PITPNC1: variants seen among roughly 807,000 people sequenced by gnomAD.
PITPNC1 encodes cytoplasmic phosphatidylinositol transfer protein 1.
In PITPNC1, 18 loss-of-function variants were observed where a neutral mutation model predicts 44.7. That is an observed-to-expected ratio of 0.40 (90% CI 0.28 to 0.60). The LOEUF (loss-of-function observed/expected upper bound fraction) is 0.60, where lower values mean the gene tolerates loss of function less well. Among genes scored for constraint, PITPNC1 ranks in the 20% least tolerant of loss-of-function variants. PITPNC1 has a pLI of 0.39. For missense variants in PITPNC1, 290 were observed against 418.4 expected, an observed-to-expected ratio of 0.69 and a Z score of 2.68; for synonymous variants, 141 against 149.6, an observed-to-expected ratio of 0.94 and a Z score of 0.42.
At chr17:67,555,512 G>A (rs2040824045) in intron 4 of PITPNC1, among the ~76,000 whole-genome samples, 1 of 151,974 alleles carries the variant, frequency 6.6e-6, no homozygotes, top group South Asian at 2.1e-4. Context: ...CATTGCTTCT[G>A]GCAACTGCAT....
intron 2 of PITPNC1, among the ~76,000 whole-genome samples, chr17:67,537,637 A>T (rs971432552): frequency 2.0e-5 from 3 of 152,192 alleles, no homozygotes; most frequent in Non-Finnish European, 4.4e-5. Flanking sequence ...CTATAAATTT[A>T]ATAAAAATCT....
chr17:67,571,793 A>G (rs2041060926), intron 4 of PITPNC1, among the ~76,000 whole-genome samples: 1 of 152,256 alleles, frequency 6.6e-6, no homozygotes, highest in South Asian at 2.1e-4. Context: ...GAAGTCTTGT[A>G]TACACTCTCA....
At chr17:67,574,443 A>G (rs1339623164) in intron 4 of PITPNC1, among the ~76,000 whole-genome samples, 1 of 152,178 alleles carries the variant, frequency 6.6e-6, no homozygotes, top group East Asian at 1.9e-4. Flanking sequence ...CTATGACTCA[A>G]AGTGATCAGC....
rs1245794083 is a variant in PITPNC1 at position 67,597,487 on chromosome 17, G to A, written c.366+19230G>A. ...GAGAATCACTTGAATACGGGAGGTG[G>A]AGGTTGCAGTGAGCTGAGATCATGC... is the stretch of plus-strand genomic sequence containing the variant. On this transcript the variant is annotated intron_variant, in intron 5 of 8. Coordinates refer to ENST00000581322, the MANE Select transcript of PITPNC1 (RefSeq NM_012417.4). This position sits in a 1 kb window ranked among gnomAD's most constrained non-coding sequence, Gnocchi z 4.0. Among the ~76,000 whole-genome samples, 1 of 152,074 alleles carries A rather than the reference G, an allele frequency of 6.6e-6. No individual in the cohort carries two copies. Among genetic ancestry groups the A allele is most frequent in the African/African-American group, 2.4e-5 (1 of 41,412 alleles).
At chr17:67,449,047 A>G (rs1257591363) in intron 1 of PITPNC1, among the ~76,000 whole-genome samples, 3 of 152,248 alleles carry the variant, frequency 2.0e-5, no homozygotes, top group Non-Finnish European at 4.4e-5. Flanking sequence ...GATTATAGGC[A>G]TGAGCCAGCA....
chr17:67,545,559 G>C (rs914549469), intron 2 of PITPNC1, among the ~76,000 whole-genome samples: 1 of 141,334 alleles, frequency 7.1e-6, no homozygotes, highest in African/African-American at 2.5e-5. Flanking sequence ...CTGGGTGACA[G>C]AGCAAGACTC....
At chr17:67,635,618 T>C (rs1463847016) in intron 6 of PITPNC1, among the ~76,000 whole-genome samples, 2 of 152,050 alleles carry the variant, frequency 1.3e-5, no homozygotes, top group African/African-American at 4.8e-5. Context: ...GCATGAAATA[T>C]AAATGGGAAA....
chr17:67,661,527 G>A (rs2042347207), intron 6 of PITPNC1, among the ~76,000 whole-genome samples: 1 of 152,120 alleles, frequency 6.6e-6, no homozygotes, highest in South Asian at 2.1e-4. Flanking sequence ...GGAAGCTCAG[G>A]GAACCCTGAT....
chr17:67,461,012 A>T (rs2039330131), intron 1 of PITPNC1, among the ~76,000 whole-genome samples: 3 of 151,942 alleles, frequency 2.0e-5, no homozygotes, highest in African/African-American at 7.3e-5. Context: ...GAGTGCTGGG[A>T]TTGTACAGGC....
At chr17:67,450,876 A>T (rs1200019002) in intron 1 of PITPNC1, among the ~76,000 whole-genome samples, 1 of 151,774 alleles carries the variant, frequency 6.6e-6, no homozygotes, top group Non-Finnish European at 1.5e-5. Flanking sequence ...CCCTTCCCCC[A>T]CCCTCTGGTA....
chr17:67,694,279 A>G lies in PITPNC1; in HGVS notation c.*1391A>G, dbSNP rs1190085654. 6.6e-6 allele frequency: 1 copy of G among 152,278 alleles called. No homozygotes were observed. The highest frequency in any genetic ancestry group is 1.5e-5 in the Non-Finnish European group (1 of 68,074). 9.4% of individuals were successfully genotyped at this position (152,278 alleles called of 1,614,324 possible). On this transcript the variant is annotated 3_prime_UTR_variant, in exon 9 of 9. Coordinates refer to ENST00000581322, the MANE Select transcript of PITPNC1 (RefSeq NM_012417.4). The stretch of plus-strand genomic sequence containing the variant: ...TCTCAGCATTGACTTTTGTCCTCCA[A>G]GAGAGGAAGAGAAGAAGTAATTGGG...
At chr17:67,640,587 GGA>G (rs1429872495) in intron 6 of PITPNC1, among the ~76,000 whole-genome samples, 1 of 151,516 alleles carries the variant, frequency 6.6e-6, no homozygotes, top group Non-Finnish European at 1.5e-5. Context: ...GGCTGAGGCA[GGA>G]GAATCACTTG....
At chr17:67,511,571 C>T (rs2040185002) in intron 1 of PITPNC1, among the ~76,000 whole-genome samples, 2 of 152,096 alleles carry the variant, frequency 1.3e-5, no homozygotes, top group Non-Finnish European at 2.9e-5. Context: ...TGCAGTGGTG[C>T]GATCTCAGCT....
chr17:67,633,860 A>G (rs1293071311), intron 6 of PITPNC1, among the ~76,000 whole-genome samples: 1 of 152,230 alleles, frequency 6.6e-6, no homozygotes, highest in East Asian at 1.9e-4. Context: ...GCCTTCCAGG[A>G]AAGCAGGGTT....
intron 1 of PITPNC1, among the ~76,000 whole-genome samples, chr17:67,531,420 A>T (rs567677313): frequency 6.6e-6 from 1 of 152,180 alleles, no homozygotes; most frequent in Non-Finnish European, 1.5e-5. Flanking sequence ...TGGCACAGAT[A>T]GGAGACACAG....
chr17:67,485,417 G>A (rs1042545562), intron 1 of PITPNC1, among the ~76,000 whole-genome samples: 9 of 148,364 alleles, frequency 6.1e-5, no homozygotes, highest in Non-Finnish European at 1.0e-4. Flanking sequence ...CTGTCGCCCA[G>A]GCAGTGGTGT....
At chr17:67,465,024 C>A (rs965926833) in intron 1 of PITPNC1, among the ~76,000 whole-genome samples, 1 of 152,230 alleles carries the variant, frequency 6.6e-6, no homozygotes, top group Non-Finnish European at 1.5e-5. Context: ...CAGGCGTGAG[C>A]CACCACACCC....
intron 1 of PITPNC1, among the ~76,000 whole-genome samples, chr17:67,493,615 T>C (rs963292681): frequency 1.3e-5 from 2 of 152,316 alleles, no homozygotes; most frequent in Non-Finnish European, 2.9e-5. Flanking sequence ...ATGTGCTGCT[T>C]TGGATTTGCC....
intron 1 of PITPNC1, among the ~76,000 whole-genome samples, chr17:67,443,679 G>T (rs563193675): frequency 1.5e-5 from 2 of 137,092 alleles, no homozygotes; most frequent in African/African-American, 5.5e-5. Context: ...CTTTTGACCA[G>T]GCTGGAGTGA....
Sources: allele counts gnomAD v4.1 joint callset (sites outside exome capture counted in the v4.1 genomes callset), GRCh38; gene constraint gnomAD v4.1.1; non-coding constraint Gnocchi (gnomAD v3.1); transcripts MANE v1.5; gene names NCBI Gene and HGNC (gene_info 2026-07-23, HGNC 2026-07-21).